Variants in ACCSL observed in about 807,000 individuals in gnomAD.
The protein encoded by ACCSL is 1-aminocyclopropane-1-carboxylate synthase homolog (inactive) like, also known as probable inactive 1-aminocyclopropane-1-carboxylate synthase-like protein 2.
A neutral mutation model predicts 61.7 loss-of-function variants in ACCSL; 55 were observed. The observed-to-expected ratio is 0.89, with a 90% CI of 0.72 to 1.12. The LOEUF is 1.12. Among genes scored for constraint, ACCSL ranks in the 50% most tolerant of loss-of-function variants. The pLI is 0.00. For missense variants in ACCSL, 632 were observed against 698.0 expected, an observed-to-expected ratio of 0.91 and a Z score of 1.07; for synonymous variants, 258 against 264.3, an observed-to-expected ratio of 0.98 and a Z score of 0.23.
chr11:43,948,838 C>G, the ACCSL span, among the ~76,000 whole-genome samples: 1 of 152,124 alleles, frequency 6.6e-6, no homozygotes, highest in East Asian at 1.9e-4. Flanking sequence ...GTGTAACTGA[C>G]CAGCAGGTGC....
At chr11:43,978,220 G>T in the ACCSL span, among the ~76,000 whole-genome samples, 1 of 151,884 alleles carries the variant, frequency 6.6e-6, no homozygotes, top group Non-Finnish European at 1.5e-5. Flanking sequence ...ATGTTGGCCA[G>T]GCTGGTCTCA....
the ACCSL span, chr11:43,933,143 T>C: frequency 4.4e-6 from 2 of 456,262 alleles, no homozygotes; most frequent in Admixed American, 4.7e-5. Flanking sequence ...CCTTGGAGCA[T>C]AAGGTAAGTC....
At chr11:43,940,358 C>A in the ACCSL span, among the ~76,000 whole-genome samples, 404 of 142,258 alleles carry the variant, frequency 2.8e-3, 13 homozygotes, top group East Asian at 0.073. Context: ...GAAATTATAT[C>A]TTTTTTTTTT....
the ACCSL span, among the ~76,000 whole-genome samples, chr11:43,974,902 C>T: frequency 6.6e-6 from 1 of 152,154 alleles, no homozygotes; most frequent in Non-Finnish European, 1.5e-5. Context: ...AGAGCAGCCC[C>T]CAAATTCCTG....
At chr11:43,931,240 G>A in the ACCSL span, among the ~76,000 whole-genome samples, 1 of 152,232 alleles carries the variant, frequency 6.6e-6, no homozygotes, top group African/African-American at 2.4e-5. Context: ...GCCTGCTGGG[G>A]CGTCATGAGT....
the ACCSL span, among the ~76,000 whole-genome samples, chr11:44,002,503 C>T: frequency 9.2e-4 from 140 of 152,312 alleles, no homozygotes; most frequent in African/African-American, 3.2e-3. Flanking sequence ...CGTCTTGACA[C>T]AGGATGGCCA....
chr11:43,971,025 T>C, the ACCSL span, among the ~76,000 whole-genome samples: 1 of 152,256 alleles, frequency 6.6e-6, no homozygotes, highest in East Asian at 1.9e-4. Context: ...CTATTAGATG[T>C]TAAGTTCTTA....
Position 44,058,747 on chromosome 11 carries a change from A to C in ACCSL, c.1624+48A>C, listed in dbSNP as rs570397935. 3.2e-6 allele frequency: 5 copies of C among 1,568,930 alleles called. No individual in the cohort carries two copies. The South Asian group carries it at 4.7e-5, about 15-fold the overall frequency. ...TCCTTTAAAGACGCCCCATCAATTT[A>C]ATATGTCAATCTTCTCCCCCACCCC... is the stretch of plus-strand genomic sequence containing the variant. On this transcript the variant is annotated intron_variant, in intron 13 of 13. Coordinates refer to ENST00000378832, the MANE Select transcript of ACCSL (RefSeq NM_001031854.2).
At chr11:43,991,076 AG>A in the ACCSL span, among the ~76,000 whole-genome samples, 1 of 151,382 alleles carries the variant, frequency 6.6e-6, no homozygotes, top group Non-Finnish European at 1.5e-5. Context: ...GTCTCAAAAA[AG>A]AAAAAAAAAA....
the ACCSL span, among the ~76,000 whole-genome samples, chr11:44,034,875 C>T: frequency 1.3e-5 from 2 of 152,356 alleles, no homozygotes; most frequent in Non-Finnish European, 2.9e-5. Context: ...GCCAGCTCCA[C>T]AAGGCAATGA....
the ACCSL span, among the ~76,000 whole-genome samples, chr11:43,927,811 T>C: frequency 6.6e-6 from 1 of 152,354 alleles, no homozygotes; most frequent in South Asian, 2.1e-4. Context: ...TGCTGGGCCC[T>C]ATGCTTAGTC....
the ACCSL span, among the ~76,000 whole-genome samples, chr11:43,978,161 C>G: frequency 1.3e-5 from 2 of 151,904 alleles, no homozygotes; most frequent in African/African-American, 4.8e-5. Flanking sequence ...AGTCATCTGC[C>G]ACCACGCCCA....
At chr11:43,983,613 G>C in the ACCSL span, among the ~76,000 whole-genome samples, 8 of 152,068 alleles carry the variant, frequency 5.3e-5, no homozygotes, top group Non-Finnish European at 1.0e-4. Context: ...GTCACTTTGT[G>C]AGTCACTTGT....
chr11:43,943,789 T>C, the ACCSL span: 2 of 1,303,828 alleles, frequency 1.5e-6, no homozygotes, highest in East Asian at 5.5e-5. This position sits in a 1 kb window ranked among gnomAD's most constrained non-coding sequence, Gnocchi z 4.8. Flanking sequence ...TGCATTGCGA[T>C]GGCTGAAGGC....
At chr11:43,935,311 C>T in the ACCSL span, among the ~76,000 whole-genome samples, 24 of 147,464 alleles carry the variant, frequency 1.6e-4, no homozygotes, top group Admixed American at 1.6e-3. Context: ...AAGTGTAGAT[C>T]GACCCAAACA....
the ACCSL span, among the ~76,000 whole-genome samples, chr11:43,995,894 A>C: frequency 6.6e-6 from 1 of 152,196 alleles, no homozygotes; most frequent in African/African-American, 2.4e-5. Context: ...CTAACCCCAG[A>C]ATCTGTGAAT....
chr11:43,960,242 C>T, the ACCSL span, among the ~76,000 whole-genome samples: 1 of 152,186 alleles, frequency 6.6e-6, no homozygotes, highest in African/African-American at 2.4e-5. Context: ...TTTAGTCTGC[C>T]ATGGAATGCC....
chr11:44,034,908 A>G, the ACCSL span, among the ~76,000 whole-genome samples: 1 of 152,246 alleles, frequency 6.6e-6, no homozygotes, highest in Non-Finnish European at 1.5e-5. Context: ...GTAGCTCTAG[A>G]GCACCTGTAT....
upstream of ACCSL, among the ~76,000 whole-genome samples, chr11:44,045,054 G>T (rs952378806): frequency 6.6e-6 from 1 of 152,212 alleles, no homozygotes; most frequent in Non-Finnish European, 1.5e-5. Context: ...ATTTACAATA[G>T]ACTTTTCCCA....
Sources: gnomAD v4.1 joint callset for allele counts (sites outside exome capture counted in the v4.1 genomes callset) on GRCh38, gnomAD v4.1.1 for gene constraint, Gnocchi (gnomAD v3.1) non-coding constraint, MANE v1.5 for transcripts, NCBI Gene and HGNC (gene_info 2026-07-23, HGNC 2026-07-21) for gene names.